Variants in SH2B2 observed in about 807,000 individuals in gnomAD.
SH2B2 encodes the protein SH2B adapter protein 2.
A neutral mutation model predicts 35.7 loss-of-function variants in SH2B2; 37 were observed. The ratio of observed to expected loss-of-function variants is 1.04; its 90% CI spans 0.80 to 1.36. The LOEUF (loss-of-function observed/expected upper bound fraction) is 1.36, where lower values mean the gene tolerates loss of function less well. Among genes scored for constraint, SH2B2 ranks in the 40% most tolerant of loss-of-function variants. The pLI is 0.00. For synonymous variants in SH2B2, 383 were observed against 376.4 expected, an observed-to-expected ratio of 1.02 and a Z score of -0.20; for missense variants, 852 against 817.7, an observed-to-expected ratio of 1.04 and a Z score of -0.51.
chr7:102,294,694 A>G (rs1040126510), intron 1 of SH2B2, among the ~76,000 whole-genome samples: 4 of 152,176 alleles, frequency 2.6e-5, no homozygotes, highest in Admixed American at 6.5e-5. Flanking sequence ...CCCCTGCCAC[A>G]GCCAGGCCCC....
intron 2 of SH2B2, among the ~76,000 whole-genome samples, chr7:102,306,151 A>G (rs1210241882): frequency 1.3e-5 from 2 of 151,930 alleles, no homozygotes; most frequent in African/African-American, 2.4e-5. Flanking sequence ...CAATGGCGCA[A>G]TCTCAGCTCA....
intron 1 of SH2B2, among the ~76,000 whole-genome samples, chr7:102,292,654 A>G (rs926616429): frequency 1.7e-3 from 6 of 3,458 alleles, no homozygotes; most frequent in African/African-American, 6.4e-3. Context: ...GCTATGTTCA[A>G]AGTGCAGTGC....
chr7:102,285,387 G>C, upstream of SH2B2: 1 of 698,206 alleles, frequency 1.4e-6, no homozygotes, highest in South Asian at 1.7e-5. Context: ...CTCATTCATA[G>C]GTGTCCTGGT....
chr7:102,290,568 C>T (rs1396537439), intron 1 of SH2B2, among the ~76,000 whole-genome samples: 1 of 152,090 alleles, frequency 6.6e-6, no homozygotes, highest in Non-Finnish European at 1.5e-5. Flanking sequence ...CCCGGCCTCC[C>T]CTCTTGTCCA....
At chr7:102,309,417 G>A (rs1209806273) in intron 4 of SH2B2, 4 of 319,148 alleles carry the variant, frequency 1.3e-5, no homozygotes, top group African/African-American at 6.9e-5. Context: ...CTGGAGTGCA[G>A]TGGTGTGATC....
intron 4 of SH2B2, among the ~76,000 whole-genome samples, chr7:102,311,225 G>A (rs1448698457): frequency 6.6e-6 from 1 of 151,920 alleles, no homozygotes; most frequent in Non-Finnish European, 1.5e-5. Flanking sequence ...AAGTAACTGG[G>A]ACTGTAGGCA....
At chr7:102,315,286 G>A (rs1281903435) in intron 6 of SH2B2, among the ~76,000 whole-genome samples, 10 of 152,196 alleles carry the variant, frequency 6.6e-5, no homozygotes, top group African/African-American at 2.4e-4. Flanking sequence ...AGGATCACTT[G>A]AAGCCAGGAG....
At chr7:102,306,077 C>G (rs1465807149) in intron 2 of SH2B2, among the ~76,000 whole-genome samples, 2 of 151,416 alleles carry the variant, frequency 1.3e-5, no homozygotes, top group Admixed American at 6.6e-5. Flanking sequence ...GTTTTTTGGT[C>G]TCTTTTTGTT....
At chr7:102,296,437 C>T (rs1355269531) in intron 1 of SH2B2, among the ~76,000 whole-genome samples, 1 of 152,176 alleles carries the variant, frequency 6.6e-6, no homozygotes, top group East Asian at 1.9e-4. Context: ...CAACACTAAG[C>T]CGGCTCCTTA....
upstream of SH2B2, chr7:102,285,255 C>T (rs1006062074): frequency 2.6e-6 from 4 of 1,549,594 alleles, no homozygotes; most frequent in East Asian, 9.8e-5. Context: ...CTACTCTGAA[C>T]CAGGTTAGTC....
chr7:102,288,139 C>CAGGGGGT (rs1457458541), intron 1 of SH2B2, among the ~76,000 whole-genome samples: 2 of 152,106 alleles, frequency 1.3e-5, no homozygotes, highest in Non-Finnish European at 2.9e-5. Context: ...GGACTGGGGG[C>CAGGGGGT]AGGGGGTGTG....
At chr7:102,285,973 C>T (rs1554550794), upstream of SH2B2, among the ~76,000 whole-genome samples, 1 of 152,218 alleles carries the variant, frequency 6.6e-6, no homozygotes, top group African/African-American at 2.4e-5. Flanking sequence ...GGAAGCCTCC[C>T]AGAGCCCCCG....
At chr7:102,310,175 G>T in intron 4 of SH2B2, among the ~76,000 whole-genome samples, 1 of 152,054 alleles carries the variant, frequency 6.6e-6, no homozygotes, top group East Asian at 1.9e-4. Flanking sequence ...AATTAGCCAG[G>T]CATCGTGGCG....
upstream of SH2B2, chr7:102,285,184 A>G (rs193000939): frequency 2.9e-5 from 45 of 1,551,044 alleles, 1 homozygote; most frequent in Admixed American, 5.5e-4. Context: ...TGTCCTGCCC[A>G]TGGCTTCCCA....
chr7:102,295,040 C>T (rs1792848371), intron 1 of SH2B2, among the ~76,000 whole-genome samples: 1 of 152,168 alleles, frequency 6.6e-6, no homozygotes, highest in Non-Finnish European at 1.5e-5. Context: ...ACTCCCACTC[C>T]AGTGAGGGCC....
chr7:102,291,675 C>A (rs1389224725), intron 1 of SH2B2, among the ~76,000 whole-genome samples: 1 of 152,164 alleles, frequency 6.6e-6, no homozygotes, highest in Admixed American at 6.5e-5. Context: ...GAATTCCAGC[C>A]ACATCTGGCA....
chr7:102,296,600 A>T (rs1194354980), intron 1 of SH2B2, among the ~76,000 whole-genome samples: 1 of 152,242 alleles, frequency 6.6e-6, no homozygotes, highest in Admixed American at 6.5e-5. Flanking sequence ...GGCCCAAGCC[A>T]TGCAGTTTAG....
At chr7:102,291,425 A>C (rs1376960720) in intron 1 of SH2B2, among the ~76,000 whole-genome samples, 3 of 152,150 alleles carry the variant, frequency 2.0e-5, no homozygotes, top group Non-Finnish European at 4.4e-5. Context: ...GCAGCTAGGG[A>C]AACTAATGCT....
At chr7:102,316,171 G>A (rs1369408012) in intron 6 of SH2B2, among the ~76,000 whole-genome samples, 1 of 152,156 alleles carries the variant, frequency 6.6e-6, no homozygotes, top group African/African-American at 2.4e-5. Flanking sequence ...TAGCTACCCA[G>A]GAGGCTGAGG....
Sources: gnomAD v4.1 joint callset for allele counts (sites outside exome capture counted in the v4.1 genomes callset) on GRCh38, gnomAD v4.1.1 for gene constraint, MANE v1.5 for transcripts, NCBI Gene and HGNC (gene_info 2026-07-23, HGNC 2026-07-21) for gene names.